RANBP2: variants seen among roughly 807,000 people sequenced by gnomAD.
The protein encoded by RANBP2 is RAN binding protein 2.
Under a neutral mutation model 303.6 loss-of-function variants are expected in RANBP2, and 57 were observed. The observed-to-expected ratio is 0.19, with a 90% CI of 0.15 to 0.23. The LOEUF is 0.23. Among genes scored for constraint, RANBP2 ranks in the 10% least tolerant of loss-of-function variants. RANBP2 has a pLI of 1.00. For synonymous variants in RANBP2, 1,167 were observed against 1,301.5 expected, an observed-to-expected ratio of 0.90 and a Z score of 2.23; for missense variants, 3,138 against 3,780.8, an observed-to-expected ratio of 0.83 and a Z score of 4.46.
chr2:108,836,938 G>A, the RANBP2 span, among the ~76,000 whole-genome samples: 1 of 151,028 alleles, frequency 6.6e-6, no homozygotes, highest in East Asian at 1.9e-4. Flanking sequence ...CTGAATTTAT[G>A]TATTCTTTTT....
chr2:109,710,190 T>C, the RANBP2 span, among the ~76,000 whole-genome samples: 4 of 151,642 alleles, frequency 2.6e-5, no homozygotes, highest in African/African-American at 9.7e-5. Flanking sequence ...GAGAGCAGTC[T>C]GGCCAACGCG....
At chr2:108,892,005 G>A in the RANBP2 span, among the ~76,000 whole-genome samples, 34 of 152,150 alleles carry the variant, frequency 2.2e-4, no homozygotes, top group African/African-American at 7.5e-4. Flanking sequence ...GGGCAAAGCT[G>A]GGCTGTGCAG....
chr2:108,994,465 G>A, the RANBP2 span, among the ~76,000 whole-genome samples: 1 of 152,266 alleles, frequency 6.6e-6, no homozygotes, highest in South Asian at 2.1e-4. Context: ...TTTACGATCT[G>A]TAATATTGTC....
the RANBP2 span, chr2:108,798,281 T>G: frequency 4.5e-5 from 31 of 688,614 alleles, no homozygotes; most frequent in Admixed American, 1.4e-4. Context: ...CTTGCTATAC[T>G]AGTCTAGCTA....
At chr2:109,365,560 C>A in the RANBP2 span, among the ~76,000 whole-genome samples, 1 of 152,052 alleles carries the variant, frequency 6.6e-6, no homozygotes, top group Admixed American at 6.5e-5. Context: ...CAGCTTCTTA[C>A]GTTCTAGACT....
Position 108,751,978 on chromosome 2 carries a change from A to G in RANBP2, c.1739A>G (p.Glu580Gly). 1 of 1,612,022 alleles carries G rather than the reference A, an allele frequency of 6.2e-7. No homozygotes were observed. The highest frequency in any genetic ancestry group is 8.5e-7 in the Non-Finnish European group (1 of 1,179,852). ...LQPALLVHWA[E>G]CLQKTGSGLN... is the part of the protein sequence containing the mutation. The stretch of plus-strand genomic sequence containing the variant: ...CCTGCTCTGCTTGTACATTGGGCAG[A>G]ATGCCTTCAGAAAACGGTGAGTTTT... Residue 580 changes from glutamate to glycine, a missense_variant, in exon 12 of 29, where the codon GAA becomes GGA. Glu to Gly is a moderately conservative substitution (Grantham distance 98). This residue lies in a region of RANBP2 where 162 missense variants were observed against 286.9 expected (regional missense o/e 0.56). Transcript: ENST00000283195.
chr2:108,734,727 G>A (rs559085195), intron 4 of RANBP2, among the ~76,000 whole-genome samples: 47 of 151,798 alleles, frequency 3.1e-4, no homozygotes, highest in Non-Finnish European at 5.7e-4. Flanking sequence ...AATAACAAGG[G>A]TGGTATGGTG....
chr2:108,793,688 CCGGATTCACGCCA>C, the RANBP2 span, among the ~76,000 whole-genome samples: 1 of 151,992 alleles, frequency 6.6e-6, no homozygotes, highest in South Asian at 2.1e-4. Context: ...GCTCCGCCTC[CCGGATTCACGCCA>C]CTCTCCTGCC....
At chr2:109,609,069 C>A in the RANBP2 span, among the ~76,000 whole-genome samples, 1 of 152,160 alleles carries the variant, frequency 6.6e-6, no homozygotes, top group Non-Finnish European at 1.5e-5. Context: ...ATCAATTAAT[C>A]CAAACATAAC....
chr2:108,819,894 CTG>C, the RANBP2 span, among the ~76,000 whole-genome samples: 3 of 152,134 alleles, frequency 2.0e-5, no homozygotes, highest in Admixed American at 6.6e-5. Flanking sequence ...GATTTAAAAA[CTG>C]TAACCGATAA....
At chr2:109,211,794 C>T in the RANBP2 span, among the ~76,000 whole-genome samples, 5 of 152,074 alleles carry the variant, frequency 3.3e-5, no homozygotes, top group Admixed American at 3.3e-4. Flanking sequence ...TACAGGCATT[C>T]ACCATGCCCA....
intron 1 of RANBP2, 104 bp downstream of exon 1, chr2:108,719,782 C>G (rs1158868180): frequency 3.3e-6 from 5 of 1,520,372 alleles, no homozygotes; most frequent in Non-Finnish European, 4.4e-6. Flanking sequence ...CTGGCGCGCT[C>G]TGTTGAGGCG....
At chr2:108,914,459 A>G in the RANBP2 span, among the ~76,000 whole-genome samples, 2 of 152,144 alleles carry the variant, frequency 1.3e-5, no homozygotes, top group Non-Finnish European at 2.9e-5. Flanking sequence ...GCCTTCCCTT[A>G]AAGCTATGCT....
At chr2:109,419,070 G>A in the RANBP2 span, among the ~76,000 whole-genome samples, 7 of 152,176 alleles carry the variant, frequency 4.6e-5, no homozygotes, top group African/African-American at 7.2e-5. Context: ...TGTGACTCCC[G>A]GTCCTCTTGG....
the RANBP2 span, among the ~76,000 whole-genome samples, chr2:108,980,121 G>A: frequency 6.6e-6 from 1 of 150,782 alleles, no homozygotes; most frequent in Non-Finnish European, 1.5e-5. Flanking sequence ...GGGGTCGGGT[G>A]GGGGGCTGGG....
the RANBP2 span, among the ~76,000 whole-genome samples, chr2:109,182,461 C>G: frequency 2.6e-5 from 4 of 152,194 alleles, no homozygotes; most frequent in Non-Finnish European, 5.9e-5. Context: ...TTGGGGGACA[C>G]ACTCAAACTA....
the RANBP2 span, among the ~76,000 whole-genome samples, chr2:109,729,628 C>T: frequency 2.6e-5 from 4 of 151,880 alleles, no homozygotes; most frequent in South Asian, 2.1e-4. Flanking sequence ...TCATCCTGGG[C>T]GACAGAGTGA....
chr2:108,951,389 A>T, the RANBP2 span, among the ~76,000 whole-genome samples: 1 of 152,236 alleles, frequency 6.6e-6, no homozygotes, highest in African/African-American at 2.4e-5. Context: ...ATTGTGTCCA[A>T]GGTCATACAG....
the RANBP2 span, among the ~76,000 whole-genome samples, chr2:109,664,902 A>C: frequency 2.0e-5 from 3 of 151,734 alleles, no homozygotes; most frequent in African/African-American, 7.3e-5. Context: ...TCCACTCCAG[A>C]CTGGGCAACA....
Sources: allele counts gnomAD v4.1 joint callset (sites outside exome capture counted in the v4.1 genomes callset), GRCh38; gene constraint gnomAD v4.1.1; regional missense constraint gnomAD v4.1.1; transcripts MANE v1.5; gene names NCBI Gene and HGNC (gene_info 2026-07-23, HGNC 2026-07-21).